Variants in RBFOX1 observed in about 807,000 individuals in gnomAD.
RBFOX1 encodes the protein RNA binding protein fox-1 homolog 1.
RBFOX1 carries 8 observed loss-of-function variants against 57.7 expected under a neutral mutation model. The observed-to-expected ratio is 0.14, with a 90% CI of 0.08 to 0.25. RBFOX1 has a LOEUF of 0.25. Among genes scored for constraint, RBFOX1 ranks in the 10% least tolerant of loss-of-function variants. The pLI is 1.00. For synonymous variants in RBFOX1, 326 were observed against 222.4 expected, an observed-to-expected ratio of 1.47 and a Z score of -4.15; for missense variants, 611 against 548.5, an observed-to-expected ratio of 1.11 and a Z score of -1.14.
At chr16:7,095,673 G>A (rs528066109) in intron 4 of RBFOX1, among the ~76,000 whole-genome samples, 1 of 152,246 alleles carries the variant, frequency 6.6e-6, no homozygotes, top group East Asian at 1.9e-4. Context: ...ATGTTGGTAA[G>A]GTCTTGGTTG....
At chr16:5,444,324 G>C (rs1346397936) in intron 1 of RBFOX1, among the ~76,000 whole-genome samples, 1 of 152,192 alleles carries the variant, frequency 6.6e-6, no homozygotes, top group Non-Finnish European at 1.5e-5. Flanking sequence ...ATCACTCAGA[G>C]CTTTAGTTGT....
chr16:5,264,883 C>A (rs879879311), intron 1 of RBFOX1, among the ~76,000 whole-genome samples: 12 of 152,120 alleles, frequency 7.9e-5, no homozygotes, highest in African/African-American at 2.9e-4. Context: ...CACCCCACAC[C>A]TCCCTGCAGA....
intron 4 of RBFOX1, among the ~76,000 whole-genome samples, chr16:7,277,434 A>G (rs1417685948): frequency 1.3e-5 from 2 of 152,172 alleles, no homozygotes; most frequent in Non-Finnish European, 2.9e-5. Flanking sequence ...TCTCTGTGCC[A>G]CCAGAAGAAA....
intron 4 of RBFOX1, among the ~76,000 whole-genome samples, chr16:7,379,946 C>T (rs558391056): frequency 6.6e-5 from 10 of 152,286 alleles, no homozygotes; most frequent in African/African-American, 2.4e-4. Flanking sequence ...CCTTGGCCTC[C>T]TGGGTTCAAG....
At chr16:6,702,864 T>C (rs149250427) in intron 3 of RBFOX1, among the ~76,000 whole-genome samples, 38 of 152,362 alleles carry the variant, frequency 2.5e-4, no homozygotes, top group African/African-American at 6.7e-4. Context: ...CACCACCATC[T>C]GTCTCCAGAA....
chr16:6,974,584 A>G (rs1023702002), intron 3 of RBFOX1, among the ~76,000 whole-genome samples: 4 of 151,926 alleles, frequency 2.6e-5, no homozygotes, highest in Admixed American at 1.3e-4. Context: ...ACCTCAGGTG[A>G]TCTGCCCACC....
At chr16:5,523,747 C>G (rs7190052) in intron 2 of RBFOX1, among the ~76,000 whole-genome samples, 125,488 of 152,236 alleles carry the variant, frequency 0.82, 52,500 homozygotes, top group East Asian at 0.99. Context: ...AATTTTTTGA[C>G]AAATGTCTAT....
intron 5 of RBFOX1, among the ~76,000 whole-genome samples, chr16:7,524,041 C>A (rs772352436): frequency 1.3e-5 from 2 of 152,196 alleles, no homozygotes; most frequent in Non-Finnish European, 2.9e-5. Context: ...ATACCTAGGT[C>A]ATTCCCCATA....
intron 4 of RBFOX1, among the ~76,000 whole-genome samples, chr16:7,418,704 T>C (rs2098508426): frequency 6.6e-6 from 1 of 152,222 alleles, no homozygotes; most frequent in South Asian, 2.1e-4. Context: ...AAAAAATTGA[T>C]GCTATCTGCT....
chr16:6,288,863 A>G (rs766458049), intron 1 of RBFOX1, among the ~76,000 whole-genome samples: 33 of 152,154 alleles, frequency 2.2e-4, no homozygotes, highest in South Asian at 8.3e-4. Context: ...GGAATTCTGG[A>G]TCTAAGGTCT....
chr16:7,068,682 G>A (rs1016985833), intron 4 of RBFOX1, among the ~76,000 whole-genome samples: 2 of 152,088 alleles, frequency 1.3e-5, no homozygotes, highest in South Asian at 4.1e-4. Context: ...TGCCCCTCCG[G>A]GTTCAGGAGA....
intron 4 of RBFOX1, among the ~76,000 whole-genome samples, chr16:7,393,895 A>G (rs2098090412): frequency 6.6e-6 from 1 of 152,138 alleles, no homozygotes; most frequent in Non-Finnish European, 1.5e-5. Context: ...GTCAGCAGGA[A>G]GATGGTTCAT....
At chr16:6,756,674 TAAAAG>T (rs1212542161) in intron 3 of RBFOX1, among the ~76,000 whole-genome samples, 2 of 151,984 alleles carry the variant, frequency 1.3e-5, no homozygotes, top group African/African-American at 4.8e-5. Flanking sequence ...AAACATTTCT[TAAAAG>T]AAGATATACA....
At chr16:7,060,692 A>G (rs967586466) in intron 4 of RBFOX1, among the ~76,000 whole-genome samples, 3 of 152,130 alleles carry the variant, frequency 2.0e-5, no homozygotes, top group South Asian at 4.1e-4. Context: ...CCAGCAAGTA[A>G]TTTCTGGGAC....
intron 2 of RBFOX1, among the ~76,000 whole-genome samples, chr16:6,479,282 C>G (rs1046575224): frequency 6.6e-6 from 1 of 152,208 alleles, no homozygotes; most frequent in African/African-American, 2.4e-5. Context: ...ACACATCTTA[C>G]ATGGCGGCAG....
chr16:5,651,376 C>G (rs953039749), intron 3 of RBFOX1, among the ~76,000 whole-genome samples: 1 of 152,070 alleles, frequency 6.6e-6, no homozygotes, highest in African/African-American at 2.4e-5. Flanking sequence ...CTTGCACAGC[C>G]ATTCCTGGAG....
chr16:5,648,561 G>T (rs951806608), intron 3 of RBFOX1, among the ~76,000 whole-genome samples: 17 of 152,072 alleles, frequency 1.1e-4, no homozygotes, highest in Non-Finnish European at 2.1e-4. Context: ...GGAGACCAGG[G>T]ATGCTGCTCT....
intron 3 of RBFOX1, among the ~76,000 whole-genome samples, chr16:7,019,893 A>G (rs1313037570): frequency 6.6e-6 from 1 of 152,048 alleles, no homozygotes; most frequent in Non-Finnish European, 1.5e-5. Context: ...GTGTGTTCCA[A>G]CTAAACCCTG....
At chr16:7,242,315 G>C (rs11642728) in intron 4 of RBFOX1, among the ~76,000 whole-genome samples, 31,929 of 152,050 alleles carry the variant, frequency 0.21, 3,972 homozygotes, top group African/African-American at 0.36. Context: ...TAAATAATAG[G>C]CATGACATAT....
Sources: allele counts gnomAD v4.1 joint callset (sites outside exome capture counted in the v4.1 genomes callset), GRCh38; gene constraint gnomAD v4.1.1; transcripts MANE v1.5; gene names NCBI Gene and HGNC (gene_info 2026-07-23, HGNC 2026-07-21).